PDE1C: variants seen among roughly 807,000 people sequenced by gnomAD.
PDE1C encodes the protein dual specificity calcium/calmodulin-dependent 3',5'-cyclic nucleotide phosphodiesterase 1C.
PDE1C carries 62 observed loss-of-function variants against 93.1 expected under a neutral mutation model. The ratio of observed to expected loss-of-function variants is 0.67; its 90% CI spans 0.54 to 0.82. The LOEUF (loss-of-function observed/expected upper bound fraction) is 0.82, where lower values mean the gene tolerates loss of function less well. PDE1C is among the 40% of genes least tolerant of loss of function. PDE1C has a pLI of 0.00. For synonymous variants in PDE1C, 325 were observed against 310.1 expected, an observed-to-expected ratio of 1.05 and a Z score of -0.50; for missense variants, 742 against 884.6, an observed-to-expected ratio of 0.84 and a Z score of 2.04.
At chr7:32,231,054 A>T (rs1039264266) in intron 1 of PDE1C, among the ~76,000 whole-genome samples, 10 of 152,196 alleles carry the variant, frequency 6.6e-5, no homozygotes, top group African/African-American at 2.2e-4. Context: ...GGTCTGGGAA[A>T]ATTTAACCTT....
Position 32,139,861 on chromosome 7 carries a change from T to C in PDE1C, c.308+29924A>G, listed in dbSNP as rs2128779468. On this transcript the variant is annotated intron_variant, in intron 3 of 18. Transcript: ENST00000396193. Reference sequence around the variant, plus strand: ...CTGCCAGAGCTGTCATCTATGAACATGATGCTTGGAACCTCAACAGCCATA... The same window carrying C: ...CTGCCAGAGCTGTCATCTATGAACACGATGCTTGGAACCTCAACAGCCATA... Among the ~76,000 whole-genome samples, 3 of 152,202 alleles carry C rather than the reference T, an allele frequency of 2.0e-5. No individual in the cohort carries two copies. The Middle Eastern group carries it at 0.01, about 518-fold the overall frequency.
intron 1 of PDE1C, among the ~76,000 whole-genome samples, chr7:32,320,276 T>A (rs765164107): frequency 2.0e-5 from 3 of 152,172 alleles, no homozygotes; most frequent in Admixed American, 1.3e-4. Context: ...GGGTTTTCTA[T>A]CCTCTTGGTT....
intron 1 of PDE1C, among the ~76,000 whole-genome samples, chr7:32,273,936 C>T (rs910856242): frequency 3.9e-5 from 6 of 152,206 alleles, no homozygotes; most frequent in Non-Finnish European, 8.8e-5. Context: ...CTCGCTGCTG[C>T]ATCTTTTCCA....
intron 1 of PDE1C, among the ~76,000 whole-genome samples, chr7:32,369,274 A>C (rs1409996484): frequency 6.6e-6 from 1 of 152,250 alleles, no homozygotes; most frequent in Non-Finnish European, 1.5e-5. Context: ...TCCAGAATAT[A>C]CAAGGAACTC....
At chr7:32,209,262 A>T (rs1672309194) in intron 2 of PDE1C, among the ~76,000 whole-genome samples, 1 of 152,234 alleles carries the variant, frequency 6.6e-6, no homozygotes, top group South Asian at 2.1e-4. Context: ...GGAATAGCAA[A>T]GGCTTAGAGC....
rs10648394 is a variant in PDE1C at position 32,056,320 on chromosome 7, TTCTCTCTCTCTC to T, written c.102-4752_102-4741del. ...TCTGTTCCCTGGAATGGGTCCACCG[TTCTCTCTCTCTC>T]TCTCTCTCTCTCTCTCTCTCTCTCT... On this transcript the variant is annotated intron_variant, in intron 1 of 17. Transcript: ENST00000396191. 6.2e-3 allele frequency among the ~76,000 whole-genome samples: 685 copies of T among 111,114 alleles called. 5 individuals are homozygous for T. The highest frequency in any genetic ancestry group is 0.021 in the African/African-American group (589 of 27,462). The allele number at this position is 111,114 out of a possible 152,430, so 72.9% of individuals were successfully genotyped here.
chr7:31,859,144 A>G (rs1368125945), intron 7 of PDE1C, among the ~76,000 whole-genome samples: 1 of 149,366 alleles, frequency 6.7e-6, no homozygotes, highest in Non-Finnish European at 1.5e-5. Flanking sequence ...ATATATATAG[A>G]CTATATGTAT....
intron 3 of PDE1C, among the ~76,000 whole-genome samples, chr7:32,076,793 T>C (rs181367343): frequency 3.2e-4 from 48 of 152,090 alleles, no homozygotes; most frequent in African/African-American, 1.1e-3. Flanking sequence ...AGAATGCCCA[T>C]TGACTTTTAG....
the PDE1C span, chr7:31,707,335 T>A: frequency 6.8e-7 from 1 of 1,470,148 alleles, no homozygotes; most frequent in Non-Finnish European, 9.4e-7. Flanking sequence ...TTCCCTGTGG[T>A]GACCTAGAGA....
intron 1 of PDE1C, among the ~76,000 whole-genome samples, chr7:32,331,286 C>T (rs974839924): frequency 2.0e-5 from 3 of 152,176 alleles, no homozygotes; most frequent in African/African-American, 7.2e-5. Context: ...GACATGTGGC[C>T]TTGACTTAGA....
At chr7:31,978,667 A>T (rs1811980292) in intron 2 of PDE1C, among the ~76,000 whole-genome samples, 1 of 152,206 alleles carries the variant, frequency 6.6e-6, no homozygotes, top group South Asian at 2.1e-4. Context: ...ACTGGAACCC[A>T]GGACTCTGGC....
intron 3 of PDE1C, among the ~76,000 whole-genome samples, chr7:32,144,203 C>T (rs1235632379): frequency 1.3e-5 from 2 of 152,184 alleles, no homozygotes; most frequent in African/African-American, 4.8e-5. Flanking sequence ...CAAGCTTTAT[C>T]TACCTTCAAA....
At chr7:32,300,228 G>T (rs556551938), upstream of PDE1C, among the ~76,000 whole-genome samples, 5 of 152,266 alleles carry the variant, frequency 3.3e-5, no homozygotes, top group East Asian at 7.7e-4. Flanking sequence ...AATTCACCAT[G>T]TATTTTTAAA....
intron 2 of PDE1C, among the ~76,000 whole-genome samples, chr7:32,008,172 G>A (rs1037003976): frequency 5.3e-5 from 8 of 152,126 alleles, no homozygotes; most frequent in African/African-American, 1.9e-4. Flanking sequence ...AAGCAGCTAT[G>A]GATGATCTAG....
intron 12 of PDE1C, 122 bp downstream of exon 12, chr7:31,828,170 C>A: frequency 1.5e-6 from 1 of 672,548 alleles, no homozygotes; most frequent in Non-Finnish European, 2.6e-6. Flanking sequence ...CAGGCAGAGC[C>A]ATGAGCACAA....
At position 31,944,732 on chromosome 7, in the gene PDE1C, T is replaced by A. The variant is rs115634451; in HGVS notation, c.129-63872A>T. Among the ~76,000 whole-genome samples, 287 of 152,320 alleles carry A rather than the reference T, an allele frequency of 1.9e-3. 1 individual carries two copies. Among genetic ancestry groups the A allele is most frequent in the African/African-American group, 6.8e-3 (282 of 41,576 alleles). On this transcript the variant is annotated intron_variant, in intron 2 of 17. Transcript: ENST00000396191. Reference sequence around the variant, plus strand: ...TTTAAGAACATATATTTCCAGCATCTTGTAAACATCGACAACTAAAAATTA... The same window carrying A: ...TTTAAGAACATATATTTCCAGCATCATGTAAACATCGACAACTAAAAATTA...
chr7:31,697,154 T>C, the PDE1C span: 1 of 1,609,542 alleles, frequency 6.2e-7, no homozygotes, highest in Non-Finnish European at 8.5e-7. Context: ...CAGGGGGTGA[T>C]GGGGACAGGT....
Position 32,350,571 on chromosome 7 carries a change from TATATATATATATA to T in PDE1C, c.310+77238_310+77250del, listed in dbSNP as rs1562686517. Reference sequence around the variant, plus strand: ...TAATATATATATATATATATATATATATATATATATATATATATATTTTTTTTTTTTTTTTTAT... The same window carrying T: ...TAATATATATATATATATATATATATTATATATTTTTTTTTTTTTTTTTAT... On this transcript the variant is annotated intron_variant, in intron 1 of 1. Coordinates refer to the PDE1C transcript ENST00000672256. Among the ~76,000 whole-genome samples the T allele has an allele frequency of 4.6e-4, 3 of 6,562 alleles. 1 individual carries two copies. The highest frequency in any genetic ancestry group is 8.2e-4 in the African/African-American group (3 of 3,656). The allele number at this position is 6,562 out of a possible 152,430, so 4.3% of individuals were successfully genotyped here.
the PDE1C span, among the ~76,000 whole-genome samples, chr7:31,636,524 T>C: frequency 6.6e-6 from 1 of 152,122 alleles, no homozygotes; most frequent in African/African-American, 2.4e-5. Flanking sequence ...GGTTCGAAAG[T>C]CTGTCTTGTC....
Sources: gnomAD v4.1 joint callset for allele counts (sites outside exome capture counted in the v4.1 genomes callset) on GRCh38, gnomAD v4.1.1 for gene constraint, MANE v1.5 for transcripts, NCBI Gene and HGNC (gene_info 2026-07-23, HGNC 2026-07-21) for gene names.